Variants in GIT2 observed in about 807,000 individuals in gnomAD.
GIT2 encodes the protein GIT ArfGAP 2.
GIT2 carries 32 observed loss-of-function variants against 100.3 expected under a neutral mutation model. That is an observed-to-expected ratio of 0.32 (90% CI 0.24 to 0.43). The LOEUF is 0.43. Ranked by LOEUF, GIT2 falls within the 20% of genes least tolerant of loss-of-function variation. The pLI, the probability that GIT2 is intolerant of heterozygous loss-of-function variation, is 1.00. For synonymous variants in GIT2, 353 were observed against 364.1 expected (o/e 0.97, Z 0.35); for missense variants, 737 against 975.1 (o/e 0.76, Z 3.25).
At chr12:109,966,508 CAAA>C (rs749586402) in intron 8 of GIT2, among the ~76,000 whole-genome samples, 1 of 70,238 alleles carries the variant, frequency 1.4e-5, no homozygotes. Context: ...GACTCTGTCT[CAAA>C]AAAAAAAAAA....
At chr12:109,967,348 G>C (rs745438446) in intron 8 of GIT2, 110 bp downstream of exon 8, 2 of 1,590,828 alleles carry the variant, frequency 1.3e-6, no homozygotes, top group Non-Finnish European at 1.7e-6. Context: ...AGCCATAAAA[G>C]AGAAAAATGT....
At chr12:109,984,729 G>A (rs1593137479) in intron 4 of GIT2, among the ~76,000 whole-genome samples, 2 of 152,150 alleles carry the variant, frequency 1.3e-5, no homozygotes, top group Non-Finnish European at 2.9e-5. Flanking sequence ...TTACAGGCAT[G>A]AGCTACCGTG....
chr12:109,958,937 T>C (rs1880308991), intron 12 of GIT2, among the ~76,000 whole-genome samples: 1 of 152,170 alleles, frequency 6.6e-6, no homozygotes, highest in Admixed American at 6.5e-5. Context: ...TCCTTATAAT[T>C]GTATATCACA....
chr12:109,985,994 C>T (rs142819740), intron 4 of GIT2, among the ~76,000 whole-genome samples: 594 of 151,672 alleles, frequency 3.9e-3, no homozygotes, highest in African/African-American at 0.012. Context: ...GATTGTGCCA[C>T]GACACTCCAG....
chr12:109,985,777 C>T (rs1887256234), intron 4 of GIT2, among the ~76,000 whole-genome samples: 1 of 151,986 alleles, frequency 6.6e-6, no homozygotes, highest in African/African-American at 2.4e-5. Flanking sequence ...CGCTTAAACC[C>T]AGGAGGTGGA....
chr12:109,993,016 A>G (rs543481362), intron 1 of GIT2, among the ~76,000 whole-genome samples: 2 of 152,018 alleles, frequency 1.3e-5, no homozygotes, highest in South Asian at 4.2e-4. Context: ...CCTGCAACTG[A>G]TCTGAAAAAA....
intron 14 of GIT2, among the ~76,000 whole-genome samples, chr12:109,950,360 A>G (rs183691748): frequency 6.6e-6 from 1 of 152,240 alleles, no homozygotes; most frequent in Non-Finnish European, 1.5e-5. Context: ...CTGGTTAAGT[A>G]AAGTGTCCAA....
chr12:109,968,492 C>T (rs1429472036), intron 7 of GIT2, among the ~76,000 whole-genome samples: 4 of 152,006 alleles, frequency 2.6e-5, no homozygotes, highest in Admixed American at 1.3e-4. Flanking sequence ...GGCGCAATCT[C>T]GGCTCACCGC....
At chr12:109,949,034 C>T in intron 14 of GIT2, 1 of 581,424 alleles carries the variant, frequency 1.7e-6, no homozygotes, top group African/African-American at 1.9e-5. Context: ...AAAAAGACCA[C>T]TCATTCTGTT....
chr12:109,987,993 T>C (rs1171593097), intron 4 of GIT2, among the ~76,000 whole-genome samples: 6 of 152,240 alleles, frequency 3.9e-5, no homozygotes, highest in African/African-American at 7.2e-5. Flanking sequence ...TCATACTTAC[T>C]GTTCAACCTG....
At chr12:109,999,560 C>T (rs1889830770), upstream of GIT2, 1 of 651,308 alleles carries the variant, frequency 1.5e-6, no homozygotes, top group Non-Finnish European at 2.2e-6. This position sits in a 1 kb window ranked among gnomAD's most constrained non-coding sequence, Gnocchi z 4.3. Context: ...CCGGCTCAGC[C>T]GGCCGGCAGC....
upstream of GIT2, chr12:109,998,761 G>A (rs1258889910): frequency 4.6e-5 from 7 of 152,266 alleles, no homozygotes; most frequent in South Asian, 1.0e-3. Flanking sequence ...CTCAACTGAG[G>A]ACGATTTTTC....
chr12:109,966,451 C>T (rs1565979373), intron 8 of GIT2, among the ~76,000 whole-genome samples: 2 of 139,394 alleles, frequency 1.4e-5, no homozygotes, highest in Admixed American at 7.8e-5. Context: ...GGAGGTTGCC[C>T]TAAGCCTAGA....
intron 1 of GIT2, among the ~76,000 whole-genome samples, chr12:109,995,935 G>A (rs912944331): frequency 1.3e-5 from 2 of 152,220 alleles, no homozygotes; most frequent in Non-Finnish European, 2.9e-5. Flanking sequence ...AGTTGGCCTA[G>A]GACGGAGGGA....
intron 4 of GIT2, among the ~76,000 whole-genome samples, chr12:109,987,917 C>T (rs996303934): frequency 2.0e-5 from 3 of 152,202 alleles, no homozygotes; most frequent in South Asian, 2.1e-4. Context: ...CCACCTCACT[C>T]GTTTTACAAG....
chr12:109,965,890 TA>T (rs987640947), intron 8 of GIT2: 445 of 446,220 alleles, frequency 1.0e-3, no homozygotes, highest in African/African-American at 1.4e-3. Flanking sequence ...TTTGAAGTAT[TA>T]AAAAAAAAGC....
intron 7 of GIT2, among the ~76,000 whole-genome samples, chr12:109,971,033 G>C (rs975272344): frequency 6.6e-6 from 1 of 152,180 alleles, no homozygotes; most frequent in African/African-American, 2.4e-5. Context: ...TAGTCCTCCC[G>C]CCGTGGCCTC....
Position 109,934,796 on chromosome 12 carries a change from C to T in GIT2, c.2004-711G>A, listed in dbSNP as rs1178514717. 6.6e-6 allele frequency among the ~76,000 whole-genome samples: 1 copy of T among 152,222 alleles called. No homozygotes were observed. The highest frequency in any genetic ancestry group is 1.9e-4 in the East Asian group (1 of 5,194). ...AAACTATTATAATTAAAACTGTCGG[C>T]CGGGCGCAGTGGCTCACGCCTGTAA... On this transcript the variant is annotated intron_variant, in intron 18 of 19. Transcript: ENST00000355312. This position sits in a 1 kb window ranked among gnomAD's most constrained non-coding sequence, Gnocchi z 4.5.
rs1198002523 is a variant in GIT2, at chr12:109,947,915, A to T, written c.1393-411T>A. ...TAACTTGCTTTTCAAATGAGCCCTG[A>T]GCAATTTGTAAAGGCCAAAAATGAC... On this transcript the variant is annotated intron_variant, in intron 14 of 19. Transcript: ENST00000355312. The surrounding 1 kb of genome is among the most constrained non-coding windows in gnomAD (Gnocchi z 4.3). The T allele has an allele frequency of 1.2e-5, 2 of 167,342 alleles. No individual in the cohort carries two copies. Among genetic ancestry groups the T allele is most frequent in the Non-Finnish European group, 2.5e-5 (2 of 78,936 alleles). The allele number at this position is 167,342 out of a possible 1,614,324, so 10.4% of individuals were successfully genotyped here.
Sources: gnomAD v4.1 joint callset for allele counts (sites outside exome capture counted in the v4.1 genomes callset) on GRCh38, gnomAD v4.1.1 for gene constraint, Gnocchi (gnomAD v3.1) non-coding constraint, MANE v1.5 for transcripts, NCBI Gene and HGNC (gene_info 2026-07-23, HGNC 2026-07-21) for gene names.